FER: variants seen among roughly 807,000 people sequenced by gnomAD.
FER encodes the protein FER tyrosine kinase, also known as tyrosine-protein kinase Fer.
A neutral mutation model predicts 111.0 loss-of-function variants in FER; 63 were observed. The observed-to-expected ratio is 0.57, with a 90% CI of 0.46 to 0.70. FER has a LOEUF of 0.70. Ranked by LOEUF, FER falls within the 30% of genes least tolerant of loss-of-function variation. The pLI is 0.00. For synonymous variants in FER, 327 were observed against 313.9 expected (o/e 1.04, Z -0.44); for missense variants, 914 against 954.0 (o/e 0.96, Z 0.55).
chr5:108,991,863 CTTT>C (rs78556057), intron 13 of FER, among the ~76,000 whole-genome samples: 1,592 of 146,090 alleles, frequency 0.011, 24 homozygotes, highest in African/African-American at 0.038. Context: ...TTTGTATTTT[CTTT>C]TTTTTTTTTA....
intron 10 of FER, among the ~76,000 whole-genome samples, chr5:108,927,586 T>TAAA (rs1316195385): frequency 6.6e-6 from 1 of 152,198 alleles, no homozygotes; most frequent in East Asian, 1.9e-4. Context: ...TGGGCTTTAT[T>TAAA]ATTCCTTTAC....
intron 10 of FER, among the ~76,000 whole-genome samples, chr5:108,914,229 C>CTGTG (rs773376087): frequency 4.4e-4 from 61 of 137,916 alleles, no homozygotes; most frequent in African/African-American, 1.5e-3. Flanking sequence ...TAACTTGTCT[C>CTGTG]TCTGTGTGTG....
chr5:109,136,945 T>C (rs950208532), intron 17 of FER, among the ~76,000 whole-genome samples: 40 of 152,306 alleles, frequency 2.6e-4, no homozygotes, highest in African/African-American at 8.7e-4. Context: ...AATTTTGATA[T>C]CATCAATTTG....
At chr5:108,815,169 C>T (rs1758153423) in intron 3 of FER, among the ~76,000 whole-genome samples, 1 of 152,118 alleles carries the variant, frequency 6.6e-6, no homozygotes, top group Admixed American at 6.6e-5. Context: ...ACAAATAATG[C>T]TGCAATGGAT....
intron 1 of FER, among the ~76,000 whole-genome samples, chr5:108,766,355 G>A (rs1313945817): frequency 5.3e-5 from 8 of 152,096 alleles, no homozygotes; most frequent in Non-Finnish European, 1.5e-5. Context: ...AATTCATTTT[G>A]GAATTTCATT....
intron 16 of FER, among the ~76,000 whole-genome samples, chr5:109,050,984 C>A (rs1379067674): frequency 6.6e-6 from 1 of 152,170 alleles, no homozygotes; most frequent in East Asian, 1.9e-4. Flanking sequence ...CATTCACATA[C>A]CCAGAACCAT....
intron 1 of FER, among the ~76,000 whole-genome samples, chr5:108,749,766 A>G (rs1489738171): frequency 6.6e-6 from 1 of 152,010 alleles, no homozygotes; most frequent in Admixed American, 6.6e-5. Context: ...AATTGGGGAG[A>G]TGTTTGGAGG....
intron 1 of FER, among the ~76,000 whole-genome samples, chr5:108,766,777 AAAG>A (rs1259903910): frequency 2.0e-5 from 3 of 152,214 alleles, no homozygotes; most frequent in East Asian, 1.9e-4. Context: ...GGCAAACAAA[AAAG>A]AAGAACTTGG....
At chr5:109,121,455 G>C (rs143777457) in intron 17 of FER, among the ~76,000 whole-genome samples, 1 of 152,054 alleles carries the variant, frequency 6.6e-6, no homozygotes, top group Non-Finnish European at 1.5e-5. Flanking sequence ...CCACTTGGTC[G>C]TGATGAATGA....
chr5:108,893,746 G>GA (rs1234670639), intron 9 of FER, among the ~76,000 whole-genome samples: 1 of 151,500 alleles, frequency 6.6e-6, no homozygotes, highest in Non-Finnish European at 1.5e-5. Flanking sequence ...AAAAGGAAAG[G>GA]AAAAAAAGGC....
At chr5:108,833,384 T>G (rs1316638518) in intron 4 of FER, among the ~76,000 whole-genome samples, 2 of 152,154 alleles carry the variant, frequency 1.3e-5, no homozygotes, top group East Asian at 3.8e-4. Flanking sequence ...TCAAATTATT[T>G]TTATTATAGA....
chr5:108,790,693 A>C (rs547386312), intron 2 of FER, among the ~76,000 whole-genome samples: 1 of 152,342 alleles, frequency 6.6e-6, no homozygotes, highest in Admixed American at 6.5e-5. Flanking sequence ...TCAGCCGTTG[A>C]AATTGTACAA....
intron 17 of FER, among the ~76,000 whole-genome samples, chr5:109,109,646 CA>C (rs1749360205): frequency 6.6e-6 from 1 of 152,148 alleles, no homozygotes; most frequent in African/African-American, 2.4e-5. Flanking sequence ...CACAGCATCT[CA>C]GGGGGACCAC....
intron 10 of FER, among the ~76,000 whole-genome samples, chr5:108,943,961 T>TA (rs1261552272): frequency 6.6e-6 from 1 of 152,136 alleles, no homozygotes; most frequent in Non-Finnish European, 1.5e-5. Context: ...ATCAAACTCC[T>TA]GGGTTCGAGC....
At chr5:109,165,041 G>A (rs1178707073) in intron 17 of FER, among the ~76,000 whole-genome samples, 1 of 151,994 alleles carries the variant, frequency 6.6e-6, no homozygotes, top group East Asian at 1.9e-4. Context: ...GCTATTTGAT[G>A]ATGTATTATT....
At chr5:109,121,594 A>G (rs996687012) in intron 17 of FER, among the ~76,000 whole-genome samples, 11 of 152,114 alleles carry the variant, frequency 7.2e-5, no homozygotes, top group African/African-American at 2.7e-4. Flanking sequence ...TATCAGGTTA[A>G]TAGTGGCCTC....
intron 1 of FER, among the ~76,000 whole-genome samples, chr5:108,766,210 G>T (rs547304075): frequency 5.3e-5 from 8 of 152,210 alleles, no homozygotes; most frequent in Middle Eastern, 3.4e-3. Flanking sequence ...GACATTACTG[G>T]CATGAGCCAC....
chr5:108,992,755 G>A (rs1047826058), intron 13 of FER, among the ~76,000 whole-genome samples: 11 of 150,802 alleles, frequency 7.3e-5, no homozygotes, highest in African/African-American at 2.2e-4. Context: ...GGTGGCTGCC[G>A]GGCGGAGGGG....
chr5:108,812,515 A>G (rs1757869899), intron 3 of FER, among the ~76,000 whole-genome samples: 1 of 152,016 alleles, frequency 6.6e-6, no homozygotes. Context: ...TAATATGACA[A>G]TCTCTGCTAT....
Sources: allele counts gnomAD v4.1 joint callset (sites outside exome capture counted in the v4.1 genomes callset), GRCh38; gene constraint gnomAD v4.1.1; transcripts MANE v1.5; gene names NCBI Gene and HGNC (gene_info 2026-07-23, HGNC 2026-07-21).